LDB3: variants seen among roughly 807,000 people sequenced by gnomAD.
LDB3 encodes the protein LIM domain binding 3.
A neutral mutation model predicts 69.0 loss-of-function variants in LDB3; 49 were observed. That is an observed-to-expected ratio of 0.71 (90% CI 0.56 to 0.90). LDB3 has a LOEUF of 0.90. LDB3 is among the 40% of genes least tolerant of loss of function. LDB3 has a pLI of 0.00. For synonymous variants in LDB3, 387 were observed against 396.2 expected, an observed-to-expected ratio of 0.98 and a Z score of 0.28; for missense variants, 928 against 974.1, an observed-to-expected ratio of 0.95 and a Z score of 0.63.
Position 86,716,665 on chromosome 10 carries a change from G to T in LDB3, c.1570G>T (p.Ala524Ser). 6.2e-7 allele frequency: 1 copy of T among 1,614,020 alleles called. No homozygotes were observed. Among genetic ancestry groups the T allele is most frequent in the South Asian group, 1.1e-5 (1 of 91,078 alleles). Reference sequence around the variant, plus strand: ...CCGGGGAGGCCCAGCCTACACCCCAGCGGGTCCTCAGGTGCCACCACTTGC... The same window carrying T: ...CCGGGGAGGCCCAGCCTACACCCCATCGGGTCCTCAGGTGCCACCACTTGC... ...LPRGGPAYTPAGPQVPPLARG... is the reference protein window; with the variant it reads ...LPRGGPAYTPSGPQVPPLARG... The change falls in exon 10 of 14, where the codon GCG becomes TCG. Residue 524 changes from alanine to serine, a missense_variant. By Grantham distance (99) the Ala-to-Ser change is moderately conservative (BLOSUM62 1). Coordinates refer to ENST00000361373, the MANE Select transcript of LDB3 (RefSeq NM_007078.3).
chr10:86,680,211 G>A (rs1017429264), intron 4 of LDB3, 54 bp downstream of exon 4: 2 of 1,536,066 alleles, frequency 1.3e-6, no homozygotes, highest in Non-Finnish European at 1.8e-6. Context: ...CTGGAGTGCT[G>A]GCCCTGGCCA....
chr10:86,679,241 C>A, intron 2 of LDB3, 126 bp from the exon 3 acceptor site: 1 of 1,145,740 alleles, frequency 8.7e-7, no homozygotes, highest in Non-Finnish European at 1.3e-6. Context: ...CTGGTACTGG[C>A]CGTAGCGAAT....
chr10:86,716,165 C>G (rs546579439), intron 9 of LDB3, among the ~76,000 whole-genome samples, 162 bp from the exon 10 acceptor site: 2 of 152,310 alleles, frequency 1.3e-5, no homozygotes, highest in Admixed American at 1.3e-4. Flanking sequence ...GAATTCAAAT[C>G]TGGGCCATCA....
rs572335250 is a variant in LDB3 at position 86,679,551 on chromosome 10, G to T, written c.245+33G>T. 17 of 1,612,394 alleles carry T rather than the reference G, an allele frequency of 1.1e-5. No individual in the cohort carries two copies. In the East Asian group the frequency reaches 3.8e-4, roughly 36 times the overall value. On this transcript the variant is annotated intron_variant, in intron 3 of 13. Transcript: ENST00000361373. ...GGAGCTCTCCAGAGCAGGGGGCGGA[G>T]GTTTGGGTGTGGGCATGGGGCAGGG...
chr10:86,713,779 C>G (rs1372411596), intron 9 of LDB3, among the ~76,000 whole-genome samples: 1 of 152,240 alleles, frequency 6.6e-6, no homozygotes, highest in Non-Finnish European at 1.5e-5. Context: ...GGGCTGTACA[C>G]ATTTACAAAA....
chr10:86,720,559 T>C (rs758539331), intron 12 of LDB3, among the ~76,000 whole-genome samples: 1 of 152,320 alleles, frequency 6.6e-6, no homozygotes, highest in Middle Eastern at 3.4e-3. Context: ...TGTGCCTCAG[T>C]TTCTATATCT....
intron 8 of LDB3, among the ~76,000 whole-genome samples, chr10:86,707,345 T>C (rs1179102186): frequency 6.6e-6 from 1 of 152,072 alleles, no homozygotes; most frequent in African/African-American, 2.4e-5. Context: ...TGTTAAGATG[T>C]TTACCTAACA....
intron 5 of LDB3, among the ~76,000 whole-genome samples, chr10:86,691,143 G>A (rs1730164636): frequency 6.6e-6 from 1 of 152,210 alleles, no homozygotes; most frequent in Non-Finnish European, 1.5e-5. Context: ...TTCTGGCTCT[G>A]ATGTAGGATT....
intron 5 of LDB3, chr10:86,687,308 T>C: frequency 6.3e-7 from 1 of 1,597,710 alleles, no homozygotes; most frequent in Non-Finnish European, 8.6e-7. Context: ...ACTCAGTGCC[T>C]CCAGAGCCCG....
rs1362791734 is a variant in LDB3, at chr10:86,679,997, C to T, written c.246-85C>T. ...GAGAGCTGACTCTGGCTCTCTCTTG[C>T]TCTCTCCTCACCAGCCCTGCCCAGG... is the stretch of plus-strand genomic sequence containing the variant. On this transcript the variant is annotated intron_variant, in intron 3 of 13. Coordinates refer to ENST00000361373, the MANE Select transcript of LDB3 (RefSeq NM_007078.3). 5.8e-6 allele frequency: 7 copies of T among 1,203,802 alleles called. No homozygotes were observed. The East Asian group carries it at 1.2e-4, about 20-fold the overall frequency. The allele number at this position is 1,203,802 out of a possible 1,614,324, so 74.6% of individuals were successfully genotyped here.
Position 86,734,623 on chromosome 10 carries a change from C to T in LDB3, c.*1647C>T, listed in dbSNP as rs1461912902. 6.6e-6 allele frequency: 1 copy of T among 152,232 alleles called. No homozygotes were observed. The highest frequency in any genetic ancestry group is 2.4e-5 in the African/African-American group (1 of 41,458). 9.4% of individuals were successfully genotyped at this position (152,232 alleles called of 1,614,324 possible). A position where few individuals can be genotyped will look rare whatever the true frequency, so the allele number is the denominator to read the frequency against. ...TCCAGGGGATTGCCATCTTACCTGT[C>T]TCTTCTCCATGAGGGAGAAGGAAGC... On this transcript the variant is annotated 3_prime_UTR_variant, in exon 14 of 14. Transcript: ENST00000361373.
chr10:86,722,802 C>T (rs1413274321), intron 12 of LDB3, among the ~76,000 whole-genome samples: 1 of 151,114 alleles, frequency 6.6e-6, no homozygotes, highest in Non-Finnish European at 1.5e-5. Context: ...CTCCTGACCT[C>T]GTGATCTACC....
intron 5 of LDB3, among the ~76,000 whole-genome samples, chr10:86,685,988 G>C (rs748712009): frequency 6.6e-6 from 1 of 152,112 alleles, no homozygotes; most frequent in Admixed American, 6.5e-5. Context: ...GGCGGGCGCA[G>C]GGGGAGGGGG....
chr10:86,730,293 C>A (rs1847411485), intron 13 of LDB3, among the ~76,000 whole-genome samples: 1 of 152,164 alleles, frequency 6.6e-6, no homozygotes, highest in African/African-American at 2.4e-5. Context: ...TGTGGGGACT[C>A]CACGTGCACT....
At chr10:86,724,470 G>A in intron 12 of LDB3, among the ~76,000 whole-genome samples, 1 of 151,772 alleles carries the variant, frequency 6.6e-6, no homozygotes, top group Admixed American at 6.6e-5. Context: ...TGGGTGTGGT[G>A]GCGCGTGCCT....
chr10:86,703,044 C>T (rs1220830248), intron 7 of LDB3, among the ~76,000 whole-genome samples: 3 of 152,142 alleles, frequency 2.0e-5, no homozygotes, highest in Non-Finnish European at 4.4e-5. Flanking sequence ...GCTCTGGCTG[C>T]GGAGAGCAGC....
At chr10:86,691,766 G>A in intron 5 of LDB3, 130 bp from the exon 6 acceptor site, 2 of 1,056,514 alleles carry the variant, frequency 1.9e-6, no homozygotes, top group Non-Finnish European at 2.9e-6. Context: ...CAGGTTCTCA[G>A]ACAGCAATGG....
Position 86,732,983 on chromosome 10 carries a change from AAGGCCGCCTGTGCTGACG to A in LDB3, c.*13_*30del, listed in dbSNP as rs1274053941. ...ACACACCATCAACTTGTAGGCGGCC[AAGGCCGCCTGTGCTGACG>A]AGGCCCGGAGCTGCTCCTGCTGCTG... On this transcript the variant is annotated 3_prime_UTR_variant, in exon 14 of 14. Coordinates refer to ENST00000361373, the MANE Select transcript of LDB3 (RefSeq NM_007078.3). 6.2e-7 allele frequency: 1 copy of A among 1,604,326 alleles called. No homozygotes were observed. Among genetic ancestry groups the A allele is most frequent in the East Asian group, 2.2e-5 (1 of 44,788 alleles).
At chr10:86,713,480 A>G (rs1324393419) in intron 9 of LDB3, among the ~76,000 whole-genome samples, 1 of 152,130 alleles carries the variant, frequency 6.6e-6, no homozygotes, top group African/African-American at 2.4e-5. Flanking sequence ...CCTAACCTCA[A>G]GTGATCCACC....
Sources: allele counts gnomAD v4.1 joint callset (sites outside exome capture counted in the v4.1 genomes callset), GRCh38; gene constraint gnomAD v4.1.1; transcripts MANE v1.5; gene names NCBI Gene and HGNC (gene_info 2026-07-23, HGNC 2026-07-21).